ANK2: variants seen among roughly 807,000 people sequenced by gnomAD.
ANK2 encodes the protein ankyrin-2.
ANK2 carries 83 observed loss-of-function variants against 360.5 expected under a neutral mutation model. The ratio of observed to expected loss-of-function variants is 0.23; its 90% CI spans 0.19 to 0.28. The LOEUF is 0.28. ANK2 is among the 10% of genes least tolerant of loss of function. ANK2 has a pLI of 1.00. For synonymous variants in ANK2, 1,740 were observed against 1,759.5 expected (o/e 0.99, Z 0.28); for missense variants, 4,201 against 4,795.7 (o/e 0.88, Z 3.66).
chr4:113,105,832 T>C (rs1486788532), intron 1 of ANK2, among the ~76,000 whole-genome samples: 1 of 152,212 alleles, frequency 6.6e-6, no homozygotes, highest in Non-Finnish European at 1.5e-5. Flanking sequence ...ACTTAATGTG[T>C]ACTAGTGTAC....
intron 32 of ANK2, among the ~76,000 whole-genome samples, chr4:113,341,107 A>G (rs1588612532): frequency 6.6e-6 from 1 of 152,244 alleles, no homozygotes; most frequent in East Asian, 1.9e-4. Context: ...AATTTCTTCT[A>G]TGAATTATAT....
chr4:113,287,675 A>G lies in ANK2; in HGVS notation c.2150A>G (p.His717Arg). ...KVNVADILTKHGADQDAHTKL... is the reference protein window; with the variant it reads ...KVNVADILTKRGADQDAHTKL... ...AATGTTGCTGATATTCTCACCAAGC[A>G]TGGAGCTGATCAGGATGCTCATACA... is the stretch of plus-strand genomic sequence containing the variant. Residue 717 changes from histidine to arginine, a missense_variant, in exon 19 of 46, where the codon CAT becomes CGT. Transcript: ENST00000357077. 1 of 1,613,120 alleles carries G rather than the reference A, an allele frequency of 6.2e-7. No homozygotes were observed. Among genetic ancestry groups the G allele is most frequent in the South Asian group, 1.1e-5 (1 of 91,074 alleles).
chr4:112,735,054 A>G, the ANK2 span, among the ~76,000 whole-genome samples: 2 of 152,240 alleles, frequency 1.3e-5, no homozygotes, highest in African/African-American at 4.8e-5. Flanking sequence ...TTATGAAGAA[A>G]TGATACACAC....
At chr4:113,179,297 G>C (rs2098331852) in intron 2 of ANK2, among the ~76,000 whole-genome samples, 1 of 152,150 alleles carries the variant, frequency 6.6e-6, no homozygotes, top group Non-Finnish European at 1.5e-5. Context: ...TCTGTACTCT[G>C]TTGCATTTCT....
rs2154065860 is a variant in ANK2, at chr4:113,369,538, A to T, written c.11343A>T (p.Thr3781=). Residue 3781 remains threonine, a synonymous_variant, in exon 43 of 46, where the codon ACA becomes ACT. Coordinates refer to ENST00000357077, the MANE Select transcript of ANK2 (RefSeq NM_001148.6). ...GTGTGACAACTCCAGGAACAGAAAC[A>T]TCAGAGACTCAGAAGGCTATGATAG... ...EYFVTTPGTE[T]SETQKAMIVP... 6.2e-7 allele frequency: 1 copy of T among 1,614,120 alleles called. No homozygotes were observed. Among genetic ancestry groups the T allele is most frequent in the South Asian group, 1.1e-5 (1 of 91,084 alleles).
At chr4:113,013,310 T>C (rs566544364) in intron 2 of ANK2, among the ~76,000 whole-genome samples, 48 of 152,306 alleles carry the variant, frequency 3.2e-4, no homozygotes, top group African/African-American at 1.1e-3. Flanking sequence ...ATCTGACTCT[T>C]CCAAGAGTTC....
chr4:112,836,415 G>A (rs1362295497), intron 1 of ANK2, among the ~76,000 whole-genome samples: 1 of 152,166 alleles, frequency 6.6e-6, no homozygotes, highest in Non-Finnish European at 1.5e-5. Context: ...TACCAAGGTA[G>A]TGGGGCACTG....
At chr4:112,710,349 AC>A in the ANK2 span, among the ~76,000 whole-genome samples, 1 of 152,328 alleles carries the variant, frequency 6.6e-6, no homozygotes, top group African/African-American at 2.4e-5. Flanking sequence ...CTCGGATTTA[AC>A]TATAGTATTT....
chr4:113,369,874 A>G (rs1159621178), intron 43 of ANK2, 69 bp downstream of exon 43: 42 of 1,602,200 alleles, frequency 2.6e-5, no homozygotes, highest in East Asian at 4.5e-5. Context: ...TTCCATTTCT[A>G]TGATGGTTTA....
At position 113,278,446 on chromosome 4, in the gene ANK2, C is replaced by CA; in HGVS notation, c.1783-13dup. On this transcript the variant is annotated splice_polypyrimidine_tract_variant and intron_variant, in intron 16 of 45. Transcript: ENST00000357077. ...TAATTTATTAATGCTGAAACTTAAACACACCCTTTACAGAACGGCCTTACC... is the reference window on the plus strand; with the variant it reads ...TAATTTATTAATGCTGAAACTTAAACAACACCCTTTACAGAACGGCCTTACC... The CA allele has an allele frequency of 6.2e-7, 1 of 1,612,512 alleles. No homozygotes were observed. The highest frequency in any genetic ancestry group is 8.5e-7 in the Non-Finnish European group (1 of 1,178,730).
At chr4:113,294,612 G>T (rs2069994008) in intron 22 of ANK2, among the ~76,000 whole-genome samples, 1 of 152,196 alleles carries the variant, frequency 6.6e-6, no homozygotes, top group African/African-American at 2.4e-5. Flanking sequence ...ATGGAATACA[G>T]TTGGTTTAAC....
intron 2 of ANK2, among the ~76,000 whole-genome samples, chr4:113,183,088 G>A (rs1369453344): frequency 6.6e-6 from 1 of 152,078 alleles, no homozygotes; most frequent in Non-Finnish European, 1.5e-5. Flanking sequence ...AAGGAAAGAT[G>A]TATGGGCAGA....
chr4:113,122,842 ATCT>A (rs1433320235), intron 1 of ANK2, among the ~76,000 whole-genome samples: 1 of 151,874 alleles, frequency 6.6e-6, no homozygotes, highest in African/African-American at 2.4e-5. Flanking sequence ...TAGAATCATT[ATCT>A]TTAAATAAAT....
intron 20 of ANK2, among the ~76,000 whole-genome samples, chr4:113,290,062 C>A (rs563138420): frequency 2.6e-4 from 39 of 152,192 alleles, no homozygotes; most frequent in African/African-American, 9.1e-4. Flanking sequence ...ATTTAGTAGG[C>A]AAACACTATA....
rs576897657 is a variant in ANK2, at chr4:113,371,113, A to T, written c.11610+1308A>T. On this transcript the variant is annotated intron_variant, in intron 43 of 45. Coordinates refer to ENST00000357077, the MANE Select transcript of ANK2 (RefSeq NM_001148.6). ...GCATTAATATAAAGCTTAGTAGTAA[A>T]AGAAGAGTTAAACAAAATAATTGAA... 3.5e-4 allele frequency among the ~76,000 whole-genome samples: 54 copies of T among 152,306 alleles called. 4 individuals are homozygous for T. In the South Asian group the frequency reaches 0.011, roughly 32 times the overall value.
intron 23 of ANK2, among the ~76,000 whole-genome samples, chr4:113,310,995 G>A (rs2079658141): frequency 6.6e-6 from 1 of 151,986 alleles, no homozygotes; most frequent in Non-Finnish European, 1.5e-5. Flanking sequence ...AAACAACAAG[G>A]GATATCCAAA....
At chr4:113,032,337 T>C (rs887088566) in intron 2 of ANK2, among the ~76,000 whole-genome samples, 1 of 97,820 alleles carries the variant, frequency 1.0e-5, no homozygotes, top group African/African-American at 4.1e-5. Flanking sequence ...GGGCACAAAC[T>C]GTGTGGAGAG....
the ANK2 span, among the ~76,000 whole-genome samples, chr4:112,713,119 A>G: frequency 1.3e-5 from 2 of 152,294 alleles, no homozygotes; most frequent in East Asian, 1.9e-4. Flanking sequence ...GAATAAAACC[A>G]TTTAAAATTG....
At chr4:112,725,155 G>T in the ANK2 span, among the ~76,000 whole-genome samples, 2 of 150,990 alleles carry the variant, frequency 1.3e-5, no homozygotes, top group African/African-American at 2.4e-5. Context: ...GGTGGCGGGC[G>T]CCTGTAGTTC....
Sources: allele counts gnomAD v4.1 joint callset (sites outside exome capture counted in the v4.1 genomes callset), GRCh38; gene constraint gnomAD v4.1.1; transcripts MANE v1.5; gene names NCBI Gene and HGNC (gene_info 2026-07-23, HGNC 2026-07-21).